ANKS1B: variants seen among roughly 807,000 people sequenced by gnomAD.
ANKS1B encodes ankyrin repeat and sterile alpha motif domain-containing protein 1B.
A neutral mutation model predicts 148.3 loss-of-function variants in ANKS1B; 36 were observed. The ratio of observed to expected loss-of-function variants is 0.24; its 90% CI spans 0.19 to 0.32. ANKS1B has a LOEUF of 0.32. ANKS1B is among the 10% of genes least tolerant of loss of function. The pLI is 1.00. For missense variants in ANKS1B, 1,157 were observed against 1,542.6 expected (o/e 0.75, Z 4.19); for synonymous variants, 542 against 560.8 (o/e 0.97, Z 0.47).
intron 14 of ANKS1B, among the ~76,000 whole-genome samples, chr12:99,161,734 T>G (rs1380539278): frequency 6.6e-6 from 1 of 152,128 alleles, no homozygotes; most frequent in African/African-American, 2.4e-5. Flanking sequence ...CTTCTCAAAT[T>G]TAATTGGAGC....
intron 17 of ANKS1B, among the ~76,000 whole-genome samples, chr12:98,919,314 G>T (rs1219008206): frequency 5.3e-5 from 8 of 152,200 alleles, no homozygotes; most frequent in Admixed American, 5.2e-4. Flanking sequence ...GTTAATGTTT[G>T]TTCCCCAGCA....
intron 15 of ANKS1B, among the ~76,000 whole-genome samples, chr12:99,129,166 T>G (rs555568241): frequency 6.6e-6 from 1 of 152,302 alleles, no homozygotes; most frequent in East Asian, 1.9e-4. Flanking sequence ...TAGTTCCAAC[T>G]GGTAGCCCAA....
intron 9 of ANKS1B, among the ~76,000 whole-genome samples, chr12:99,585,904 C>T (rs2097632902): frequency 6.6e-6 from 1 of 152,166 alleles, no homozygotes; most frequent in African/African-American, 2.4e-5. Context: ...ATTTTTTCCT[C>T]CTGTCTCTGG....
chr12:99,608,796 C>T lies in ANKS1B; in HGVS notation c.1272+46271G>A, dbSNP rs114666236. ...CTCAGAGTCTTTAGAGGTCTCCTTCCGGTCCCTATGTATGATTACCAGAAT... is the reference window on the plus strand; with the variant it reads ...CTCAGAGTCTTTAGAGGTCTCCTTCTGGTCCCTATGTATGATTACCAGAAT... On this transcript the variant is annotated intron_variant, in intron 9 of 26. Coordinates refer to ENST00000683438, the MANE Select transcript of ANKS1B (RefSeq NM_001352186.2). Among the ~76,000 whole-genome samples, 528 of 152,088 alleles carry T rather than the reference C, an allele frequency of 3.5e-3. 2 individuals carry two copies. Among genetic ancestry groups the T allele is most frequent in the African/African-American group, 9.8e-3 (405 of 41,500 alleles).
At chr12:99,162,292 T>A (rs1347458700) in intron 14 of ANKS1B, among the ~76,000 whole-genome samples, 1 of 152,100 alleles carries the variant, frequency 6.6e-6, no homozygotes. Flanking sequence ...ACAACTGAAT[T>A]GTACCTTTTA....
chr12:98,789,035 C>T (rs1159448258), intron 22 of ANKS1B, among the ~76,000 whole-genome samples: 1 of 152,162 alleles, frequency 6.6e-6, no homozygotes, highest in Non-Finnish European at 1.5e-5. Flanking sequence ...ATGACAGATT[C>T]AAGAGTTGTA....
chr12:98,927,031 A>T (rs1030169811), intron 17 of ANKS1B, among the ~76,000 whole-genome samples: 2 of 152,154 alleles, frequency 1.3e-5, no homozygotes, highest in Non-Finnish European at 2.9e-5. Flanking sequence ...GTGAACTCCA[A>T]GTAGGGCAAA....
At chr12:99,861,468 C>T (rs1390760018) in intron 1 of ANKS1B, among the ~76,000 whole-genome samples, 1 of 152,012 alleles carries the variant, frequency 6.6e-6, no homozygotes, top group Non-Finnish European at 1.5e-5. Flanking sequence ...GTCTTGTTAC[C>T]CTCATGATCC....
intron 14 of ANKS1B, among the ~76,000 whole-genome samples, chr12:99,206,901 T>C (rs2082736839): frequency 6.6e-6 from 1 of 152,164 alleles, no homozygotes; most frequent in Admixed American, 6.6e-5. Context: ...ATTCTTAAAG[T>C]GAGAGAGAGT....
At chr12:99,524,229 CT>C (rs919980778) in intron 9 of ANKS1B, among the ~76,000 whole-genome samples, 13 of 152,132 alleles carry the variant, frequency 8.5e-5, no homozygotes, top group African/African-American at 3.1e-4. Flanking sequence ...AGAAAAATAA[CT>C]TTTTTTTAAA....
At chr12:99,293,487 C>T (rs1001375348) in intron 12 of ANKS1B, among the ~76,000 whole-genome samples, 1 of 152,020 alleles carries the variant, frequency 6.6e-6, no homozygotes, top group Non-Finnish European at 1.5e-5. Flanking sequence ...TACCCTAGAA[C>T]TTAAAGCATA....
chr12:99,456,676 A>C (rs1308601619), intron 10 of ANKS1B, among the ~76,000 whole-genome samples: 4 of 152,224 alleles, frequency 2.6e-5, no homozygotes, highest in Non-Finnish European at 5.9e-5. Flanking sequence ...AAAACTTCAG[A>C]GCTTGAAATC....
chr12:99,403,180 A>G (rs1167593385), intron 11 of ANKS1B, among the ~76,000 whole-genome samples: 3 of 40,940 alleles, frequency 7.3e-5, no homozygotes, highest in African/African-American at 9.2e-5. Flanking sequence ...TTTTTTTTTG[A>G]GACGGAGTCT....
chr12:98,743,784 G>A (rs921450876), downstream of ANKS1B, among the ~76,000 whole-genome samples: 8 of 152,160 alleles, frequency 5.3e-5, no homozygotes, highest in Non-Finnish European at 1.0e-4. Context: ...GGGGCTTTAG[G>A]TTAAAATTAA....
chr12:99,408,975 C>A (rs2094598630), intron 11 of ANKS1B, among the ~76,000 whole-genome samples: 1 of 111,922 alleles, frequency 8.9e-6, no homozygotes, highest in Admixed American at 8.4e-5. Flanking sequence ...AGAAATAGAA[C>A]TACCATATGA....
At chr12:99,639,151 G>T (rs181759492) in intron 9 of ANKS1B, among the ~76,000 whole-genome samples, 1 of 151,748 alleles carries the variant, frequency 6.6e-6, no homozygotes, top group African/African-American at 2.4e-5. Context: ...CCCACTGGGG[G>T]ACTACCTAGT....
At chr12:99,292,957 T>C (rs1190303762) in intron 12 of ANKS1B, among the ~76,000 whole-genome samples, 6 of 152,164 alleles carry the variant, frequency 3.9e-5, no homozygotes, top group Non-Finnish European at 8.8e-5. Flanking sequence ...TCCTCAAGGA[T>C]CTAGAACTAG....
At chr12:99,296,062 T>C (rs2080832299) in intron 12 of ANKS1B, among the ~76,000 whole-genome samples, 1 of 152,164 alleles carries the variant, frequency 6.6e-6, no homozygotes, top group Non-Finnish European at 1.5e-5. Flanking sequence ...TTGAAAACCA[T>C]ATCCAATTTT....
In ANKS1B at chr12:99,801,228, CT is replaced by C. The variant is rs1306408231; in HGVS notation, c.669+5175del. Among the ~76,000 whole-genome samples, 7 of 152,304 alleles carry C rather than the reference CT, an allele frequency of 4.6e-5. No homozygotes were observed. In the East Asian group the frequency reaches 9.6e-4, roughly 21 times the overall value. On this transcript the variant is annotated intron_variant, in intron 4 of 26. Transcript: ENST00000683438. ...TCTCTTATGCACAATCAATGCCCCC[CT>C]GCCTAGTCCCAGGAGGAAGATAATA...
Sources: allele counts gnomAD v4.1 joint callset (sites outside exome capture counted in the v4.1 genomes callset), GRCh38; gene constraint gnomAD v4.1.1; transcripts MANE v1.5; gene names NCBI Gene and HGNC (gene_info 2026-07-23, HGNC 2026-07-21).